MITF: variants seen among roughly 807,000 people sequenced by gnomAD.
MITF encodes the protein melanocyte inducing transcription factor.
A neutral mutation model predicts 60.5 loss-of-function variants in MITF; 17 were observed. That is an observed-to-expected ratio of 0.28 (90% CI 0.19 to 0.42). The LOEUF is 0.42. Ranked by LOEUF, MITF falls within the 10% of genes least tolerant of loss-of-function variation. The pLI is 1.00. For synonymous variants in MITF, 260 were observed against 248.5 expected (o/e 1.05, Z -0.43); for missense variants, 622 against 683.5 (o/e 0.91, Z 1.00).
chr3:69,922,193 C>T (rs1184323099), intron 2 of MITF, among the ~76,000 whole-genome samples: 6 of 152,162 alleles, frequency 3.9e-5, no homozygotes, highest in Admixed American at 2.6e-4. Flanking sequence ...CTGTCTACCA[C>T]ACAATATATA....
chr3:69,866,398 GT>G (rs903004953), intron 1 of MITF: 6 of 1,605,982 alleles, frequency 3.7e-6, no homozygotes, highest in South Asian at 2.2e-5. Flanking sequence ...AAGAGGAGCA[GT>G]TTTTTTTCTC....
rs574065259 is a variant in MITF, at chr3:69,967,808, A to G, written c.*2560A>G. The G allele has an allele frequency of 4.3e-6, 1 of 233,088 alleles. No homozygotes were observed. The highest frequency in any genetic ancestry group is 6.0e-5 in the East Asian group (1 of 16,562). The allele number at this position is 233,088 out of a possible 1,614,324, so 14.4% of individuals were successfully genotyped here. On this transcript the variant is annotated 3_prime_UTR_variant, in exon 10 of 10. Coordinates refer to ENST00000352241, the MANE Select transcript of MITF (RefSeq NM_001354604.2). ...TTGGGCTTGTTGTTTGTAACAAGAA[A>G]ATGATCCACACCACTCCCCCGATTC...
intron 1 of MITF, among the ~76,000 whole-genome samples, chr3:69,755,329 C>T (rs180809697): frequency 6.6e-6 from 1 of 152,156 alleles, no homozygotes; most frequent in African/African-American, 2.4e-5. Flanking sequence ...TTATCTTTTC[C>T]CACTTGACTT....
At chr3:69,865,872 C>G (rs575128754) in intron 1 of MITF, among the ~76,000 whole-genome samples, 1 of 152,328 alleles carries the variant, frequency 6.6e-6, no homozygotes, top group African/African-American at 2.4e-5. Context: ...CTCCTAGATT[C>G]TGTGACTCCA....
chr3:69,743,980 T>C (rs888394842), intron 1 of MITF, among the ~76,000 whole-genome samples: 2 of 152,242 alleles, frequency 1.3e-5, no homozygotes, highest in African/African-American at 4.8e-5. Flanking sequence ...AATTCCAATT[T>C]CTTCTTAAAT....
intron 2 of MITF, among the ~76,000 whole-genome samples, chr3:69,927,032 C>T (rs1032493833): frequency 1.3e-5 from 2 of 151,742 alleles, no homozygotes; most frequent in African/African-American, 4.8e-5. Context: ...GTGTCATGTA[C>T]ATTATAGAAA....
chr3:69,744,511 C>T (rs1703648090), intron 1 of MITF, among the ~76,000 whole-genome samples: 1 of 152,158 alleles, frequency 6.6e-6, no homozygotes, highest in African/African-American at 2.4e-5. Context: ...CTCCAGTAGT[C>T]TCAAGAATAT....
At chr3:69,742,477 A>C (rs981547046) in intron 1 of MITF, among the ~76,000 whole-genome samples, 1 of 152,268 alleles carries the variant, frequency 6.6e-6, no homozygotes, top group Non-Finnish European at 1.5e-5. Flanking sequence ...CAAGGTTCTT[A>C]AGATGTCAGC....
At chr3:69,755,607 G>A (rs1049310543) in intron 1 of MITF, among the ~76,000 whole-genome samples, 1 of 151,306 alleles carries the variant, frequency 6.6e-6, no homozygotes, top group African/African-American at 2.4e-5. Context: ...TGGCTTAACT[G>A]GTCACTAGCA....
At chr3:69,920,536 G>C (rs2107426746) in intron 2 of MITF, among the ~76,000 whole-genome samples, 1 of 152,256 alleles carries the variant, frequency 6.6e-6, no homozygotes, top group Middle Eastern at 3.4e-3. Flanking sequence ...AATAGTCTCT[G>C]ATATGCAGAA....
chr3:69,821,778 C>A (rs1449786812), intron 1 of MITF, among the ~76,000 whole-genome samples: 1 of 151,330 alleles, frequency 6.6e-6, no homozygotes, highest in African/African-American at 2.4e-5. Context: ...GACTGAGTCT[C>A]ACTTACTCTG....
chr3:69,900,197 C>T (rs2064966045), intron 2 of MITF, among the ~76,000 whole-genome samples: 1 of 152,084 alleles, frequency 6.6e-6, no homozygotes, highest in South Asian at 2.1e-4. Flanking sequence ...CCTGGTCACA[C>T]TTCTAATCAC....
chr3:69,801,056 CT>C (rs74944767), intron 1 of MITF, among the ~76,000 whole-genome samples: 6,741 of 140,768 alleles, frequency 0.048, 152 homozygotes, highest in Non-Finnish European at 0.058. Context: ...CCTTGTGTAA[CT>C]TTTTTTTTTT....
At chr3:69,860,783 G>T (rs571972221) in intron 1 of MITF, among the ~76,000 whole-genome samples, 1 of 152,090 alleles carries the variant, frequency 6.6e-6, no homozygotes, top group Non-Finnish European at 1.5e-5. Context: ...ATCCCAATCA[G>T]GTTTATGTGG....
chr3:69,917,320 A>G (rs1054523757), intron 2 of MITF, among the ~76,000 whole-genome samples: 7 of 151,012 alleles, frequency 4.6e-5, no homozygotes, highest in Non-Finnish European at 7.4e-5. Flanking sequence ...ATTGGTTACC[A>G]TCCCTGACTT....
chr3:69,894,674 GAA>G (rs201815152), intron 2 of MITF, among the ~76,000 whole-genome samples: 21 of 111,468 alleles, frequency 1.9e-4, no homozygotes, highest in South Asian at 3.0e-4. Context: ...CAACAAGAGT[GAA>G]AAAAAAAAAA....
chr3:69,835,735 C>G (rs901125059), intron 1 of MITF, among the ~76,000 whole-genome samples: 1 of 152,084 alleles, frequency 6.6e-6, no homozygotes, highest in African/African-American at 2.4e-5. Flanking sequence ...AGGAGACTGT[C>G]CTTTTCCTAT....
At chr3:69,963,609 C>T (rs1449319180) in intron 9 of MITF, among the ~76,000 whole-genome samples, 1 of 152,166 alleles carries the variant, frequency 6.6e-6, no homozygotes, top group Non-Finnish European at 1.5e-5. Context: ...CTGTTGGGCA[C>T]TGCACGACTT....
rs1254237782 is a variant in MITF at position 69,966,290 on chromosome 3, C to A, written c.*1042C>A. The A allele has an allele frequency of 4.3e-6, 1 of 232,750 alleles. No homozygotes were observed. The highest frequency in any genetic ancestry group is 8.5e-6 in the Non-Finnish European group (1 of 117,634). The allele number at this position is 232,750 out of a possible 1,614,324, so 14.4% of individuals were successfully genotyped here. On this transcript the variant is annotated 3_prime_UTR_variant, in exon 10 of 10. Transcript: ENST00000352241. ...CAACTCACTGGTGGTTTTCCGCATT[C>A]TTTGTACACCCATGAAAGAAAACTT...
Sources: gnomAD v4.1 joint callset for allele counts (sites outside exome capture counted in the v4.1 genomes callset) on GRCh38, gnomAD v4.1.1 for gene constraint, MANE v1.5 for transcripts, NCBI Gene and HGNC (gene_info 2026-07-23, HGNC 2026-07-21) for gene names.